TMEFF2: variants seen among roughly 807,000 people sequenced by gnomAD.
TMEFF2 encodes the protein transmembrane protein with EGF like and two follistatin like domains 2, also known as tomoregulin-2.
TMEFF2 carries 28 observed loss-of-function variants against 53.8 expected under a neutral mutation model. That is an observed-to-expected ratio of 0.52 (90% CI 0.39 to 0.71). TMEFF2 has a LOEUF of 0.71. Among genes scored for constraint, TMEFF2 ranks in the 30% least tolerant of loss-of-function variants. The pLI is 0.00. For synonymous variants in TMEFF2, 162 were observed against 166.3 expected (o/e 0.97, Z 0.20); for missense variants, 353 against 455.2 (o/e 0.78, Z 2.04).
chr2:192,103,003 C>T (rs1479333286), intron 4 of TMEFF2, among the ~76,000 whole-genome samples: 5 of 151,870 alleles, frequency 3.3e-5, no homozygotes, highest in African/African-American at 1.2e-4. Context: ...TGAGTTTTTC[C>T]CAAAAACTTT....
intron 4 of TMEFF2, among the ~76,000 whole-genome samples, chr2:192,176,511 T>A (rs1385560962): frequency 6.6e-6 from 1 of 151,284 alleles, no homozygotes; most frequent in Admixed American, 6.6e-5. Context: ...CAAATTTCCT[T>A]TAGGAGAGAA....
chr2:192,150,543 G>A (rs1174416796), intron 4 of TMEFF2, among the ~76,000 whole-genome samples: 1 of 151,788 alleles, frequency 6.6e-6, no homozygotes, highest in East Asian at 1.9e-4. Flanking sequence ...CATAGAACAG[G>A]TGCATCCAGG....
At chr2:192,015,912 C>T (rs1686734346) in intron 5 of TMEFF2, among the ~76,000 whole-genome samples, 2 of 152,142 alleles carry the variant, frequency 1.3e-5, no homozygotes, top group African/African-American at 2.4e-5. Context: ...CCTAAACTAA[C>T]TAAAAGTATA....
intron 7 of TMEFF2, among the ~76,000 whole-genome samples, chr2:191,964,846 A>G (rs1023929184): frequency 1.1e-4 from 16 of 151,964 alleles, no homozygotes; most frequent in African/African-American, 3.4e-4. Context: ...CAGCCATCAC[A>G]ATCTCTCAGT....
At chr2:191,987,104 ATGT>A (rs758877534) in intron 7 of TMEFF2, among the ~76,000 whole-genome samples, 5 of 152,180 alleles carry the variant, frequency 3.3e-5, no homozygotes, top group East Asian at 1.9e-4. Context: ...TGGCTGGATA[ATGT>A]TGTCCTGTGC....
At chr2:192,159,051 C>T (rs1289157357) in intron 4 of TMEFF2, among the ~76,000 whole-genome samples, 1 of 152,090 alleles carries the variant, frequency 6.6e-6, no homozygotes, top group African/African-American at 2.4e-5. Flanking sequence ...GAAACTCCTC[C>T]TCAAGGCCAA....
rs139446181 is a variant in TMEFF2, at chr2:192,056,540, C to T, written c.536+1139G>A. Reference sequence around the variant, plus strand: ...ACTTTTCAATGTGCTTAAGGTGGGACGAATACAGTAGAAAGCTAAAATGTT... The same window carrying T: ...ACTTTTCAATGTGCTTAAGGTGGGATGAATACAGTAGAAAGCTAAAATGTT... On this transcript the variant is annotated intron_variant, in intron 5 of 9. Coordinates refer to ENST00000272771, the MANE Select transcript of TMEFF2 (RefSeq NM_016192.4). 2.3e-3 allele frequency among the ~76,000 whole-genome samples: 355 copies of T among 152,104 alleles called. 4 individuals carry two copies. The highest frequency in any genetic ancestry group is 6.8e-3 in the Middle Eastern group (2 of 294).
chr2:192,070,516 C>T (rs1207673098), intron 4 of TMEFF2, among the ~76,000 whole-genome samples: 1 of 151,888 alleles, frequency 6.6e-6, no homozygotes, highest in East Asian at 1.9e-4. Context: ...GATGAAAATT[C>T]ACAGTCTTTA....
At chr2:192,156,271 G>A (rs903895677) in intron 4 of TMEFF2, among the ~76,000 whole-genome samples, 10 of 151,950 alleles carry the variant, frequency 6.6e-5, no homozygotes, top group African/African-American at 2.4e-4. Context: ...AACATTTCAT[G>A]AATGTTTATA....
chr2:191,975,587 G>A (rs1685699406), intron 7 of TMEFF2, among the ~76,000 whole-genome samples: 1 of 151,964 alleles, frequency 6.6e-6, no homozygotes, highest in African/African-American at 2.4e-5. Context: ...TGCCTTTGGA[G>A]GTCAGAACTT....
chr2:192,118,840 T>A (rs1689478377), intron 4 of TMEFF2, among the ~76,000 whole-genome samples: 1 of 152,158 alleles, frequency 6.6e-6, no homozygotes, highest in African/African-American at 2.4e-5. Flanking sequence ...TTTATTCTGA[T>A]GCCAATTTCA....
At chr2:191,989,102 T>C (rs1171073618) in intron 7 of TMEFF2, among the ~76,000 whole-genome samples, 1 of 152,210 alleles carries the variant, frequency 6.6e-6, no homozygotes, top group Non-Finnish European at 1.5e-5. Flanking sequence ...AGGTTTCCCA[T>C]TGCAGAAGGA....
intron 7 of TMEFF2, among the ~76,000 whole-genome samples, chr2:191,982,599 A>G (rs1217725873): frequency 2.6e-5 from 4 of 152,134 alleles, no homozygotes; most frequent in African/African-American, 9.7e-5. Flanking sequence ...GTGACTTGAC[A>G]CCAGTGAACA....
At chr2:192,032,734 C>T (rs898667169) in intron 5 of TMEFF2, 2 of 152,206 alleles carry the variant, frequency 1.3e-5, no homozygotes, top group African/African-American at 4.8e-5. Context: ...CTTCACTTAT[C>T]AGCCATAGGA....
chr2:191,964,340 CTTTCT>C (rs1692374584), intron 7 of TMEFF2, among the ~76,000 whole-genome samples: 1 of 46,424 alleles, frequency 2.2e-5, no homozygotes, highest in Non-Finnish European at 4.5e-5. Context: ...TTCCTTCTTT[CTTTCT>C]TTCTTTCTTT....
chr2:192,167,577 T>A (rs1690799426), intron 4 of TMEFF2, among the ~76,000 whole-genome samples: 1 of 152,302 alleles, frequency 6.6e-6, no homozygotes, highest in East Asian at 1.9e-4. Context: ...AGTCCTTTTC[T>A]CTTCACTAGT....
intron 4 of TMEFF2, among the ~76,000 whole-genome samples, chr2:192,133,673 T>G (rs1689918599): frequency 6.6e-6 from 1 of 152,200 alleles, no homozygotes; most frequent in South Asian, 2.1e-4. Context: ...CAAACGTGCT[T>G]TCTTTACTAC....
chr2:192,071,785 A>G (rs1248701104), intron 4 of TMEFF2, among the ~76,000 whole-genome samples: 2 of 151,882 alleles, frequency 1.3e-5, no homozygotes, highest in East Asian at 1.9e-4. Context: ...AAATCTGTAC[A>G]TGTTCAGTAC....
intron 5 of TMEFF2, among the ~76,000 whole-genome samples, chr2:192,039,037 T>C (rs973878984): frequency 2.6e-5 from 4 of 152,260 alleles, no homozygotes; most frequent in Non-Finnish European, 5.9e-5. Flanking sequence ...AATGCAAAGA[T>C]ATTTCCCGCC....
Sources: allele counts gnomAD v4.1 joint callset (sites outside exome capture counted in the v4.1 genomes callset), GRCh38; gene constraint gnomAD v4.1.1; transcripts MANE v1.5; gene names NCBI Gene and HGNC (gene_info 2026-07-23, HGNC 2026-07-21).